UBASH3B: variants seen among roughly 807,000 people sequenced by gnomAD.
UBASH3B encodes ubiquitin-associated and SH3 domain-containing protein B.
In UBASH3B, 37 loss-of-function variants were observed where a neutral mutation model predicts 83.4. The observed-to-expected ratio is 0.44, with a 90% CI of 0.34 to 0.58. The LOEUF is 0.58. Ranked by LOEUF, UBASH3B falls within the 20% of genes least tolerant of loss-of-function variation. The pLI is 0.01. For missense variants in UBASH3B, 657 were observed against 827.2 expected (o/e 0.79, Z 2.52); for synonymous variants, 304 against 318.3 (o/e 0.96, Z 0.48).
intron 1 of UBASH3B, among the ~76,000 whole-genome samples, chr11:122,668,813 C>T (rs1211080497): frequency 6.6e-6 from 1 of 152,150 alleles, no homozygotes; most frequent in African/African-American, 2.4e-5. Context: ...TACTTTGAGG[C>T]TCTCAAAGTA....
intron 11 of UBASH3B, among the ~76,000 whole-genome samples, chr11:122,802,994 A>G (rs900728750): frequency 2.0e-5 from 3 of 152,122 alleles, no homozygotes; most frequent in African/African-American, 7.2e-5. Context: ...GGCCTTACAA[A>G]GGTCTCCAGA....
intron 1 of UBASH3B, among the ~76,000 whole-genome samples, chr11:122,739,171 AT>A (rs1565547418): frequency 6.6e-6 from 1 of 151,864 alleles, no homozygotes; most frequent in East Asian, 1.9e-4. Flanking sequence ...TAATTTGTAA[AT>A]TTTTTGTAGA....
intron 1 of UBASH3B, among the ~76,000 whole-genome samples, chr11:122,770,097 C>T (rs1201419126): frequency 6.6e-6 from 1 of 152,194 alleles, no homozygotes; most frequent in Non-Finnish European, 1.5e-5. Context: ...TTCCCATTTC[C>T]TAAGTGAACA....
chr11:122,686,166 G>T (rs1863805969), intron 1 of UBASH3B, among the ~76,000 whole-genome samples: 1 of 152,178 alleles, frequency 6.6e-6, no homozygotes, highest in African/African-American at 2.4e-5. Context: ...AAGTGGTTTG[G>T]AGTCCTTTGG....
chr11:122,794,931 G>A, intron 7 of UBASH3B, 97 bp downstream of exon 7: 1 of 1,528,188 alleles, frequency 6.5e-7, no homozygotes, highest in Non-Finnish European at 8.9e-7. Context: ...TGTCTCCAAA[G>A]CTTCCACGAT....
intron 1 of UBASH3B, among the ~76,000 whole-genome samples, chr11:122,711,389 T>C (rs1459343284): frequency 2.0e-5 from 3 of 152,168 alleles, no homozygotes; most frequent in Admixed American, 6.5e-5. Flanking sequence ...GCCACGTGGG[T>C]CCCATCACAA....
intron 1 of UBASH3B, among the ~76,000 whole-genome samples, chr11:122,705,582 C>CA (rs1864107321): frequency 6.6e-6 from 1 of 152,102 alleles, no homozygotes; most frequent in African/African-American, 2.4e-5. Context: ...CAGTGTCTCA[C>CA]AGAAATTGTT....
chr11:122,733,307 T>C (rs1424458494), intron 1 of UBASH3B, among the ~76,000 whole-genome samples: 2 of 152,222 alleles, frequency 1.3e-5, no homozygotes, highest in Non-Finnish European at 2.9e-5. Context: ...CTCTATTATT[T>C]CTGGAGTTCC....
rs546760563 is a variant in UBASH3B, at chr11:122,770,886, G to T, written c.162-5333G>T. On this transcript the variant is annotated intron_variant, in intron 1 of 13. Transcript: ENST00000284273. ...TCTCAATGTGTTCTTCCCACCTATT[G>T]TCAAGGCCTTCTAGCCTCCCAGCAT... 5.9e-5 allele frequency among the ~76,000 whole-genome samples: 9 copies of T among 152,258 alleles called. No individual in the cohort carries two copies. The East Asian group carries it at 1.5e-3, about 26-fold the overall frequency.
rs566727897 is a variant in UBASH3B at position 122,792,582 on chromosome 11, G to A, written c.981-2120G>A. On this transcript the variant is annotated intron_variant, in intron 6 of 13. Transcript: ENST00000284273. ...GATCTGCCTGCCTCGGCCTCTCAAA[G>A]TGCTAGAATTACAGACGTGAGCCGC... is the stretch of plus-strand genomic sequence containing the variant. Among the ~76,000 whole-genome samples, 4 of 152,310 alleles carry A rather than the reference G, an allele frequency of 2.6e-5. No individual in the cohort carries two copies. In the South Asian group the frequency reaches 6.2e-4, roughly 24 times the overall value.
At chr11:122,713,915 G>A (rs1194448713) in intron 1 of UBASH3B, among the ~76,000 whole-genome samples, 1 of 152,094 alleles carries the variant, frequency 6.6e-6, no homozygotes, top group African/African-American at 2.4e-5. Context: ...TTTATATCCA[G>A]GTTAGAAACC....
At chr11:122,768,482 G>A (rs866705409) in intron 1 of UBASH3B, among the ~76,000 whole-genome samples, 1 of 123,940 alleles carries the variant, frequency 8.1e-6, no homozygotes, top group Admixed American at 8.2e-5. Context: ...GTGTGTGTGT[G>A]TGTGTGTGTG....
At chr11:122,725,803 C>T (rs1053350180) in intron 1 of UBASH3B, among the ~76,000 whole-genome samples, 1 of 152,090 alleles carries the variant, frequency 6.6e-6, no homozygotes, top group Non-Finnish European at 1.5e-5. Context: ...AAGCGATTCT[C>T]CTGCCTCAGC....
intron 1 of UBASH3B, among the ~76,000 whole-genome samples, chr11:122,747,669 C>T (rs1861140216): frequency 6.6e-6 from 1 of 152,172 alleles, no homozygotes; most frequent in African/African-American, 2.4e-5. Flanking sequence ...AGAGTCAAAG[C>T]TGGGGAACGT....
At chr11:122,772,652 CA>C (rs1272213220) in intron 1 of UBASH3B, among the ~76,000 whole-genome samples, 1 of 152,140 alleles carries the variant, frequency 6.6e-6, no homozygotes, top group African/African-American at 2.4e-5. Flanking sequence ...ACCTTGAATT[CA>C]AAAATCCTCC....
chr11:122,766,697 C>A (rs1477266318), intron 1 of UBASH3B, among the ~76,000 whole-genome samples: 2 of 152,046 alleles, frequency 1.3e-5, no homozygotes, highest in African/African-American at 4.8e-5. Flanking sequence ...GAGCCAAGAT[C>A]GTGCCACTGA....
chr11:122,705,291 C>T (rs1864101541), intron 1 of UBASH3B, among the ~76,000 whole-genome samples: 2 of 151,724 alleles, frequency 1.3e-5, no homozygotes, highest in Non-Finnish European at 2.9e-5. Context: ...ACTAAAAATA[C>T]AAAAATTAGC....
intron 1 of UBASH3B, among the ~76,000 whole-genome samples, chr11:122,704,961 A>G (rs7104957): frequency 0.019 from 2,920 of 152,294 alleles, 40 homozygotes; most frequent in Non-Finnish European, 0.028. Context: ...AAAAAGACCT[A>G]TGGTTAAAGA....
At position 122,731,392 on chromosome 11, in the gene UBASH3B, C is replaced by T. The variant is rs144002732; in HGVS notation, c.162-44827C>T. On this transcript the variant is annotated intron_variant, in intron 1 of 13. Transcript: ENST00000284273. ...CTTTTCACTTAAATGGAGAACTTTA[C>T]GTCTTCTCTTTGGGGATATCCAAAT... 4.5e-3 allele frequency among the ~76,000 whole-genome samples: 682 copies of T among 152,262 alleles called. 4 individuals are homozygous for T. Among genetic ancestry groups the T allele is most frequent in the Non-Finnish European group, 6.5e-3 (445 of 68,018 alleles).
Sources: gnomAD v4.1 joint callset for allele counts (sites outside exome capture counted in the v4.1 genomes callset) on GRCh38, gnomAD v4.1.1 for gene constraint, MANE v1.5 for transcripts, NCBI Gene and HGNC (gene_info 2026-07-23, HGNC 2026-07-21) for gene names.